CHLSN: variants seen among roughly 807,000 people sequenced by gnomAD.
CHLSN encodes cholesin, also known as protein cholesin.
the CHLSN span, chr7:1,022,878 GC>G: frequency 2.1e-5 from 8 of 389,440 alleles, no homozygotes; most frequent in African/African-American, 1.7e-4. Context: ...GAGTCCAGGG[GC>G]TGCTACAAAG....
the CHLSN span, chr7:1,057,888 C>G: frequency 7.7e-6 from 6 of 777,002 alleles, no homozygotes; most frequent in South Asian, 5.4e-5. Context: ...CCTGCTGAGC[C>G]TCGACCACTA....
the CHLSN span, among the ~76,000 whole-genome samples, chr7:1,118,793 C>G: frequency 1.1e-5 from 1 of 87,216 alleles, no homozygotes; most frequent in Non-Finnish European, 2.1e-5. Context: ...GAGACCCCAT[C>G]TCTACCAAAA....
the CHLSN span, among the ~76,000 whole-genome samples, chr7:1,029,821 C>A: frequency 6.6e-6 from 1 of 152,220 alleles, no homozygotes; most frequent in African/African-American, 2.4e-5. Flanking sequence ...TGGCTGTTTT[C>A]CTCCTAGCTG....
chr7:1,066,039 C>G, the CHLSN span, among the ~76,000 whole-genome samples: 1 of 152,234 alleles, frequency 6.6e-6, no homozygotes, highest in Non-Finnish European at 1.5e-5. Flanking sequence ...CCTGCGCGGC[C>G]GGCACGGATG....
chr7:1,053,418 G>A, the CHLSN span, among the ~76,000 whole-genome samples: 3 of 152,328 alleles, frequency 2.0e-5, no homozygotes, highest in African/African-American at 4.8e-5. Context: ...TGTGAGGGTC[G>A]GGCACGCGTC....
At chr7:1,124,475 C>T in the CHLSN span, among the ~76,000 whole-genome samples, 10 of 149,858 alleles carry the variant, frequency 6.7e-5, no homozygotes, top group Middle Eastern at 6.8e-3. Context: ...CAGCAGCTCT[C>T]GGGAAACCAG....
the CHLSN span, chr7:1,058,166 C>T: frequency 9.5e-6 from 7 of 738,794 alleles, no homozygotes; most frequent in Non-Finnish European, 1.7e-5. Flanking sequence ...GCAGGGAGGA[C>T]ACGCCCCTGG....
At chr7:1,016,934 A>ACAGCAGCACACAGCAGCG in the CHLSN span, among the ~76,000 whole-genome samples, 1 of 61,160 alleles carries the variant, frequency 1.6e-5, no homozygotes, top group Non-Finnish European at 3.3e-5. Flanking sequence ...ACACAGCAGC[A>ACAGCAGCACACAGCAGCG]CACGCCAGCA....
At chr7:1,119,642 C>T in the CHLSN span, among the ~76,000 whole-genome samples, 4 of 152,246 alleles carry the variant, frequency 2.6e-5, no homozygotes, top group Admixed American at 1.3e-4. Flanking sequence ...TTTGGGAGGC[C>T]GAGGCAGGCT....
At chr7:1,136,262 T>C in the CHLSN span, among the ~76,000 whole-genome samples, 2 of 113,744 alleles carry the variant, frequency 1.8e-5, no homozygotes, top group Admixed American at 1.0e-4. Flanking sequence ...TATATAAACA[T>C]ATATAAATAT....
At chr7:1,081,424 G>T in the CHLSN span, among the ~76,000 whole-genome samples, 1 of 152,368 alleles carries the variant, frequency 6.6e-6, no homozygotes, top group South Asian at 2.1e-4. Context: ...GCCCGAGCCC[G>T]GGCAGAAGAA....
the CHLSN span, among the ~76,000 whole-genome samples, chr7:1,117,772 C>T: frequency 1.1e-4 from 16 of 151,800 alleles, no homozygotes; most frequent in Non-Finnish European, 1.8e-4. Flanking sequence ...CTTCCATCAC[C>T]GACGCCCACG....
At chr7:1,026,480 C>G in the CHLSN span, 1 of 152,334 alleles carries the variant, frequency 6.6e-6, no homozygotes, top group Middle Eastern at 3.4e-3. Context: ...TGGAAGCCAC[C>G]GCTAACTAGC....
At chr7:1,122,069 G>A in the CHLSN span, among the ~76,000 whole-genome samples, 1 of 152,222 alleles carries the variant, frequency 6.6e-6, no homozygotes, top group Admixed American at 6.5e-5. Flanking sequence ...CCACAGGAAG[G>A]GATCCTGGTC....
the CHLSN span, among the ~76,000 whole-genome samples, chr7:1,073,055 A>G: frequency 1.3e-5 from 2 of 152,172 alleles, no homozygotes; most frequent in Non-Finnish European, 2.9e-5. Flanking sequence ...TAAAGTTGTT[A>G]CAACGTTCCC....
At chr7:1,021,342 C>T in the CHLSN span, 59 of 982,138 alleles carry the variant, frequency 6.0e-5, no homozygotes, top group Admixed American at 1.8e-4. Context: ...GCCTTTTCAT[C>T]GTGGCAGTAG....
the CHLSN span, among the ~76,000 whole-genome samples, chr7:1,006,591 G>C: frequency 1.6e-5 from 2 of 124,518 alleles, no homozygotes; most frequent in Non-Finnish European, 3.4e-5. Context: ...CGCAGGGAAA[G>C]AGCGCACGAC....
the CHLSN span, among the ~76,000 whole-genome samples, chr7:998,060 C>T: frequency 2.0e-5 from 3 of 152,190 alleles, no homozygotes; most frequent in Admixed American, 2.0e-4. Flanking sequence ...TCACAAACAT[C>T]GTAAAAATCC....
At chr7:1,034,460 A>G in the CHLSN span, among the ~76,000 whole-genome samples, 4 of 152,150 alleles carry the variant, frequency 2.6e-5, no homozygotes, top group Admixed American at 2.6e-4. Context: ...TAACAAGGAT[A>G]GCTAAAACAG....
Sources: gnomAD v4.1 joint callset for allele counts (sites outside exome capture counted in the v4.1 genomes callset) on GRCh38, gnomAD v4.1.1 for gene constraint, MANE v1.5 for transcripts, NCBI Gene and HGNC (gene_info 2026-07-23, HGNC 2026-07-21) for gene names.